The following SLC16A14 variants were observed in gnomAD, a reference collection of about 807,000 sequenced individuals.
The protein encoded by SLC16A14 is solute carrier family 16 member 14, also known as monocarboxylate transporter 14.
A neutral mutation model predicts 35.8 loss-of-function variants in SLC16A14; 14 were observed. That is an observed-to-expected ratio of 0.39 (90% CI 0.26 to 0.61). The LOEUF (loss-of-function observed/expected upper bound fraction) is 0.61. Among genes scored for constraint, SLC16A14 ranks in the 20% least tolerant of loss-of-function variants. SLC16A14 has a pLI of 0.51. For synonymous variants in SLC16A14, 248 were observed against 258.9 expected (o/e 0.96, Z 0.40); for missense variants, 533 against 655.0 (o/e 0.81, Z 2.03).
At chr2:230,044,704 T>TTGTG (rs751868776) in intron 4 of SLC16A14, among the ~76,000 whole-genome samples, 4,009 of 132,576 alleles carry the variant, frequency 0.03, 159 homozygotes, top group African/African-American at 0.091. Flanking sequence ...AAGTCTGTAT[T>TTGTG]TGTGTGTGTG....
At position 230,046,502 on chromosome 2, in the gene SLC16A14, G is replaced by T; in HGVS notation, c.624C>A (p.Leu208=). ...VSLNLCVCGA[L]MRPLSPGKNP... is the part of the protein sequence containing the mutation. ...TTTTACCAGGAGAGAGGGGCCTCAT[G>T]AGCGCCCCACAAACACACAGGTTTA... Residue 208 remains leucine, a synonymous_variant, in exon 4 of 5, where the codon CTC becomes CTA. Transcript: ENST00000295190. The surrounding 1 kb of genome is among the most constrained non-coding windows in gnomAD (Gnocchi z 5.0). The T allele has an allele frequency of 6.2e-7, 1 of 1,614,138 alleles. No individual in the cohort carries two copies. Among genetic ancestry groups the T allele is most frequent in the Non-Finnish European group, 8.5e-7 (1 of 1,180,016 alleles).
chr2:230,036,280 A>G lies in SLC16A14; in HGVS notation c.*1100T>C, dbSNP rs2077519166. On this transcript the variant is annotated 3_prime_UTR_variant, in exon 5 of 5. Coordinates refer to ENST00000295190, the MANE Select transcript of SLC16A14 (RefSeq NM_152527.5). ...CTTCTGTATGAAATCAATCAAGAGA[A>G]CTATTTTTAAAACTGTGCCACGCTC... 1 of 152,390 alleles carries G rather than the reference A, an allele frequency of 6.6e-6. No homozygotes were observed. Among genetic ancestry groups the G allele is most frequent in the South Asian group, 2.1e-4 (1 of 4,830 alleles). The allele number at this position is 152,390 out of a possible 1,614,324, so 9.4% of individuals were successfully genotyped here.
intron 2 of SLC16A14, among the ~76,000 whole-genome samples, chr2:230,054,896 GAAA>G (rs200730244): frequency 1.1e-5 from 1 of 93,020 alleles, no homozygotes; most frequent in Admixed American, 1.2e-4. Flanking sequence ...CTCCATCTCA[GAAA>G]AAAAAAAAAA....
At chr2:230,047,543 A>G (rs560751049) in intron 3 of SLC16A14, among the ~76,000 whole-genome samples, 1 of 152,174 alleles carries the variant, frequency 6.6e-6, no homozygotes, top group East Asian at 1.9e-4. Context: ...GGGCTCACGC[A>G]ATTCACCTGC....
intron 2 of SLC16A14, among the ~76,000 whole-genome samples, chr2:230,052,172 T>C (rs2077666703): frequency 6.6e-6 from 1 of 152,096 alleles, no homozygotes; most frequent in African/African-American, 2.4e-5. Context: ...CCTGACCTCG[T>C]GATCCGCCCG....
At position 230,037,537 on chromosome 2, in the gene SLC16A14, A is replaced by G. The variant is rs754954377; in HGVS notation, c.1382-6T>C. On this transcript the variant is annotated splice_polypyrimidine_tract_variant and splice_region_variant and intron_variant, in intron 4 of 4. Transcript: ENST00000295190. ...CGTGATGTCATAGATCCACCCTACA[A>G]AACAAAAAAGAATATATTCAGTGTC... is the stretch of plus-strand genomic sequence containing the variant. 2 of 1,592,726 alleles carry G rather than the reference A, an allele frequency of 1.3e-6. No homozygotes were observed. Among genetic ancestry groups the G allele is most frequent in the Admixed American group, 1.9e-5 (1 of 53,978 alleles).
chr2:230,060,857 G>C (rs1020705126), intron 1 of SLC16A14, among the ~76,000 whole-genome samples: 5 of 137,220 alleles, frequency 3.6e-5, no homozygotes, highest in African/African-American at 1.4e-4. Context: ...GAGGAAGGAG[G>C]GGGTGGATGA....
intron 2 of SLC16A14, among the ~76,000 whole-genome samples, chr2:230,056,166 T>G (rs767918546): frequency 1.6e-4 from 24 of 152,186 alleles, no homozygotes; most frequent in Non-Finnish European, 3.2e-4. Context: ...CATACACACT[T>G]GCACACACAT....
chr2:230,039,359 T>C (rs1301078304), intron 4 of SLC16A14, among the ~76,000 whole-genome samples: 1 of 152,116 alleles, frequency 6.6e-6, no homozygotes, highest in African/African-American at 2.4e-5. Flanking sequence ...AGTGACTCAG[T>C]AAAGTGTTCT....
intron 1 of SLC16A14, among the ~76,000 whole-genome samples, chr2:230,064,288 C>CTGTGTGTGTGTG (rs370970241): frequency 3.3e-5 from 5 of 149,582 alleles, no homozygotes; most frequent in African/African-American, 9.9e-5. Context: ...TCAGCCTTGT[C>CTGTGTGTGTGTG]TGTGTGTGTG....
Position 230,046,204 on chromosome 2 carries a change from C to A in SLC16A14, c.922G>T (p.Ala308Ser). 1 of 1,614,226 alleles carries A rather than the reference C, an allele frequency of 6.2e-7. No homozygotes were observed. Among genetic ancestry groups the A allele is most frequent in the Non-Finnish European group, 8.5e-7 (1 of 1,180,036 alleles). The change falls in exon 4 of 5, where the codon GCC becomes TCC. Residue 308 changes from alanine to serine, a missense_variant. Ala to Ser is a moderately conservative substitution (Grantham distance 99). Coordinates refer to ENST00000295190, the MANE Select transcript of SLC16A14 (RefSeq NM_152527.5). This position sits in a 1 kb window ranked among gnomAD's most constrained non-coding sequence, Gnocchi z 5.0. ...EDWYSGYFGT[A>S]SLFTNRMFVA... The stretch of plus-strand genomic sequence containing the variant: ...AACATTCGATTTGTAAATAGAGAGG[C>A]TGTCCCAAAGTAGCCCGAATACCAG...
At chr2:230,058,020 C>A (rs1320410580) in intron 2 of SLC16A14, among the ~76,000 whole-genome samples, 1 of 128,054 alleles carries the variant, frequency 7.8e-6, no homozygotes, top group Non-Finnish European at 1.6e-5. Flanking sequence ...CAGAGCAAGA[C>A]TCTGTCTTAA....
chr2:230,051,511 T>C (rs1325356218), intron 2 of SLC16A14, among the ~76,000 whole-genome samples: 1 of 152,208 alleles, frequency 6.6e-6, no homozygotes, highest in Non-Finnish European at 1.5e-5. Flanking sequence ...CCTGATTTTG[T>C]AGTAATTTCT....
intron 1 of SLC16A14, among the ~76,000 whole-genome samples, chr2:230,064,115 C>A (rs2077772389): frequency 6.6e-6 from 1 of 151,620 alleles, no homozygotes; most frequent in Non-Finnish European, 1.5e-5. Flanking sequence ...AAAAAAAGTT[C>A]CTCAATAGAT....
rs2077769167 is a variant in SLC16A14 at position 230,063,665 on chromosome 2, C to T, written c.-14-4299G>A. Among the ~76,000 whole-genome samples, 5 of 152,124 alleles carry T rather than the reference C, an allele frequency of 3.3e-5. 1 individual carries two copies. In the South Asian group the frequency reaches 1.0e-3, roughly 32 times the overall value. The stretch of plus-strand genomic sequence containing the variant: ...CTTTATTTTTGACATATGTAATAAT[C>T]TCTTTGTTATTTCTACTAAGACATG... On this transcript the variant is annotated intron_variant, in intron 1 of 4. Coordinates refer to ENST00000295190, the MANE Select transcript of SLC16A14 (RefSeq NM_152527.5).
intron 2 of SLC16A14, among the ~76,000 whole-genome samples, chr2:230,056,453 A>G (rs2077705525): frequency 1.3e-5 from 2 of 151,910 alleles, no homozygotes; most frequent in Non-Finnish European, 2.9e-5. Flanking sequence ...GCAGGGTTTC[A>G]CCATGTTGGC....
intron 2 of SLC16A14, among the ~76,000 whole-genome samples, chr2:230,050,646 C>T (rs183888283): frequency 1.4e-4 from 22 of 152,214 alleles, no homozygotes; most frequent in Admixed American, 1.1e-3. Context: ...TTTATATGGA[C>T]GGTAGGTTAT....
intron 4 of SLC16A14, among the ~76,000 whole-genome samples, chr2:230,037,949 C>T (rs2077531530): frequency 6.6e-6 from 1 of 152,162 alleles, no homozygotes; most frequent in African/African-American, 2.4e-5. Flanking sequence ...CTAAAACCTA[C>T]AAAAACGATT....
chr2:230,055,212 A>G (rs1042832435), intron 2 of SLC16A14, among the ~76,000 whole-genome samples: 1 of 152,008 alleles, frequency 6.6e-6, no homozygotes, highest in African/African-American at 2.4e-5. Context: ...CCAGTGTTGT[A>G]GGATCAAATG....
Sources: gnomAD v4.1 joint callset for allele counts (sites outside exome capture counted in the v4.1 genomes callset) on GRCh38, gnomAD v4.1.1 for gene constraint, Gnocchi (gnomAD v3.1) non-coding constraint, MANE v1.5 for transcripts, NCBI Gene and HGNC (gene_info 2026-07-23, HGNC 2026-07-21) for gene names.